BNC2: variants seen among roughly 807,000 people sequenced by gnomAD.
BNC2 encodes the protein basonuclin zinc finger protein 2.
A neutral mutation model predicts 76.3 loss-of-function variants in BNC2; 20 were observed. That is an observed-to-expected ratio of 0.26 (90% CI 0.18 to 0.38). The LOEUF (loss-of-function observed/expected upper bound fraction) is 0.38, where lower values mean the gene tolerates loss of function less well. Ranked by LOEUF, BNC2 falls within the 10% of genes least tolerant of loss-of-function variation. The probability of loss-of-function intolerance (pLI) is 1.00; values close to 1 mark genes in which losing one functional copy is unlikely to be tolerated. For missense variants in BNC2, 1,382 were observed against 1,399.8 expected (o/e 0.99, Z 0.20); for synonymous variants, 582 against 514.8 (o/e 1.13, Z -1.77).
chr9:16,736,220 A>G (rs1209683890), intron 2 of BNC2, among the ~76,000 whole-genome samples: 1 of 151,584 alleles, frequency 6.6e-6, no homozygotes, highest in Non-Finnish European at 1.5e-5. Flanking sequence ...TTTCCAAAAA[A>G]AAAAAAAGGA....
chr9:16,578,406 C>A (rs562278015), intron 4 of BNC2, among the ~76,000 whole-genome samples: 1 of 152,222 alleles, frequency 6.6e-6, no homozygotes, highest in Non-Finnish European at 1.5e-5. Context: ...AGTCCTCAAC[C>A]TTTACATCAT....
At chr9:16,550,978 T>C (rs1463002647) in intron 5 of BNC2, among the ~76,000 whole-genome samples, 2 of 152,100 alleles carry the variant, frequency 1.3e-5, no homozygotes, top group Non-Finnish European at 2.9e-5. Flanking sequence ...TAAGCAGGGA[T>C]TGTGAAACCA....
rs750492997 is a variant in BNC2 at position 16,436,163 on chromosome 9, G to A, written c.2031C>T (p.His677=). ...TGCCTGGGCTCATCTCCTCTTGGGA[G>A]TGACAATGATTGTCATGGCTCATGT... The part of the protein sequence containing the change: ...VNDMSHDNHC[H]SQEEMSPGMS... Residue 677 remains histidine, a synonymous_variant, in exon 6 of 7, where the codon CAC becomes CAT. Coordinates refer to ENST00000380672, the MANE Select transcript of BNC2 (RefSeq NM_017637.6). The A allele has an allele frequency of 1.2e-6, 2 of 1,614,186 alleles. No individual in the cohort carries two copies. The highest frequency in any genetic ancestry group is 1.7e-6 in the Non-Finnish European group (2 of 1,180,036).
At chr9:16,732,642 GCT>G (rs1371564035) in intron 2 of BNC2, among the ~76,000 whole-genome samples, 2 of 152,278 alleles carry the variant, frequency 1.3e-5, no homozygotes, top group Middle Eastern at 6.8e-3. Flanking sequence ...TCTGTAATGT[GCT>G]CTGCCTTTGC....
chr9:16,505,423 T>A (rs1822603502), intron 5 of BNC2, among the ~76,000 whole-genome samples: 1 of 152,206 alleles, frequency 6.6e-6, no homozygotes, highest in African/African-American at 2.4e-5. Context: ...TAAGACTGGC[T>A]ATCTATGAAG....
chr9:16,529,934 T>C (rs1162385520), intron 5 of BNC2, among the ~76,000 whole-genome samples: 3 of 152,120 alleles, frequency 2.0e-5, no homozygotes, highest in Non-Finnish European at 4.4e-5. Flanking sequence ...CCACAACCTC[T>C]GCCTCCCAGG....
chr9:16,459,189 CCT>C (rs1350133912), intron 5 of BNC2, among the ~76,000 whole-genome samples: 1 of 152,210 alleles, frequency 6.6e-6, no homozygotes, highest in African/African-American at 2.4e-5. Flanking sequence ...CATGAATCGG[CCT>C]GTGTCCTAGC....
chr9:16,844,415 C>A (rs962361509), intron 1 of BNC2, among the ~76,000 whole-genome samples: 1 of 149,608 alleles, frequency 6.7e-6, no homozygotes, highest in African/African-American at 2.5e-5. Flanking sequence ...ATCAACATTC[C>A]TTTAAAAAAA....
intron 5 of BNC2, among the ~76,000 whole-genome samples, chr9:16,519,559 G>A (rs1022956834): frequency 6.6e-6 from 1 of 152,150 alleles, no homozygotes; most frequent in African/African-American, 2.4e-5. Context: ...AGTTAGACCT[G>A]GGGCTGCTGC....
chr9:16,498,130 TATATATATTCTATC>T (rs1822434890), intron 5 of BNC2, among the ~76,000 whole-genome samples: 1 of 122,890 alleles, frequency 8.1e-6, no homozygotes, highest in African/African-American at 4.0e-5. Flanking sequence ...TATTCTATCA[TATATATATTCTATC>T]ATATATATTC....
chr9:16,810,409 C>T (rs775112136), intron 1 of BNC2, among the ~76,000 whole-genome samples: 26 of 152,190 alleles, frequency 1.7e-4, no homozygotes, highest in Admixed American at 1.6e-3. Flanking sequence ...ATACCCACAG[C>T]CTAAATAGGG....
At chr9:16,660,281 T>G (rs1587285293) in intron 3 of BNC2, among the ~76,000 whole-genome samples, 1 of 152,012 alleles carries the variant, frequency 6.6e-6, no homozygotes, top group Non-Finnish European at 1.5e-5. Context: ...ATGGAGAAAC[T>G]CTGTCTCTAC....
intron 3 of BNC2, among the ~76,000 whole-genome samples, chr9:16,632,470 A>T (rs2133755477): frequency 6.6e-6 from 1 of 152,268 alleles, no homozygotes; most frequent in South Asian, 2.1e-4. Flanking sequence ...CATATTCCCA[A>T]ATCATTTTAT....
At chr9:16,522,475 G>A (rs1817648935) in intron 5 of BNC2, among the ~76,000 whole-genome samples, 1 of 152,114 alleles carries the variant, frequency 6.6e-6, no homozygotes, top group African/African-American at 2.4e-5. Flanking sequence ...AGAGATGAAG[G>A]TGCTGGCAAG....
chr9:16,539,239 G>A lies in BNC2; in HGVS notation c.669+13291C>T, dbSNP rs74801961. Among the ~76,000 whole-genome samples, 410 of 152,214 alleles carry A rather than the reference G, an allele frequency of 2.7e-3. 11 individuals are homozygous for A. In the East Asian group the frequency reaches 0.037, roughly 14 times the overall value. ...TGGGGAAAAATAAATACGACTGGGC[G>A]TGTTGGCTCACGTCTGTAACCCCTA... On this transcript the variant is annotated intron_variant, in intron 5 of 6. Transcript: ENST00000380672.
At position 16,421,264 on chromosome 9, in the gene BNC2, T is replaced by C. The variant is rs772443504; in HGVS notation, c.2640-1615A>G. ...GCACTTAGGAAGGCTGAGCTTACCT[T>C]GTGACAATAAGATCAGCTTTCTAAT... is the stretch of plus-strand genomic sequence containing the variant. On this transcript the variant is annotated intron_variant, in intron 6 of 6. Coordinates refer to ENST00000380672, the MANE Select transcript of BNC2 (RefSeq NM_017637.6). 198 of 1,300,310 alleles carry C rather than the reference T, an allele frequency of 1.5e-4. 1 individual carries two copies. Among genetic ancestry groups the C allele is most frequent in the Non-Finnish European group, 1.9e-4 (191 of 986,434 alleles). 80.5% of individuals were successfully genotyped at this position (1,300,310 alleles called of 1,614,324 possible).
chr9:16,858,626 C>T (rs140469512), intron 1 of BNC2, among the ~76,000 whole-genome samples: 4 of 152,106 alleles, frequency 2.6e-5, no homozygotes, highest in South Asian at 2.1e-4. Context: ...GGGTGGATCA[C>T]GAGGTCAGGA....
rs540128157 is a variant in BNC2, at chr9:16,646,325, C to A, written c.331-63240G>T. On this transcript the variant is annotated intron_variant, in intron 3 of 6. Transcript: ENST00000380672. ...TATTTGTTAAACTCAAGAGTTGCTG[C>A]AATTTTAAGATGTCTCCACTATATA... Among the ~76,000 whole-genome samples the A allele has an allele frequency of 4.3e-4, 65 of 152,244 alleles. 4 individuals carry two copies. In the South Asian group the frequency reaches 0.013, roughly 30 times the overall value.
At chr9:16,708,187 T>C (rs745527007) in intron 3 of BNC2, among the ~76,000 whole-genome samples, 3 of 152,184 alleles carry the variant, frequency 2.0e-5, no homozygotes, top group East Asian at 1.9e-4. Context: ...GTGGGTACAA[T>C]GTGAGTAGAT....
Sources: gnomAD v4.1 joint callset for allele counts (sites outside exome capture counted in the v4.1 genomes callset) on GRCh38, gnomAD v4.1.1 for gene constraint, MANE v1.5 for transcripts, NCBI Gene and HGNC (gene_info 2026-07-23, HGNC 2026-07-21) for gene names.